The following DNAJA3 variants were observed in gnomAD, a reference collection of about 807,000 sequenced individuals.
DNAJA3 encodes DnaJ heat shock protein family (Hsp40) member A3.
In DNAJA3, 29 loss-of-function variants were observed where a neutral mutation model predicts 54.9. The observed-to-expected ratio is 0.53, with a 90% CI of 0.39 to 0.72. The LOEUF (loss-of-function observed/expected upper bound fraction) is 0.72. DNAJA3 is among the 30% of genes least tolerant of loss of function. The pLI is 0.00. For synonymous variants in DNAJA3, 302 were observed against 251.4 expected, an observed-to-expected ratio of 1.20 and a Z score of -1.90; for missense variants, 708 against 639.4, an observed-to-expected ratio of 1.11 and a Z score of -1.16.
intron 3 of DNAJA3, chr16:4,441,097 C>CATTAAAAAAAAA: frequency 2.0e-6 from 1 of 508,444 alleles, no homozygotes; most frequent in Non-Finnish European, 3.5e-6. Flanking sequence ...CCTGTGAGGT[C>CATTAAAAAAAAA]AAGCGAGGAT....
At chr16:4,438,222 C>G (rs2056795377) in intron 3 of DNAJA3, among the ~76,000 whole-genome samples, 1 of 151,702 alleles carries the variant, frequency 6.6e-6, no homozygotes, top group African/African-American at 2.4e-5. Flanking sequence ...GAGGCTGAGG[C>G]AGGAGAATGG....
chr16:4,435,366 G>A (rs755854915), intron 2 of DNAJA3, among the ~76,000 whole-genome samples: 1 of 152,046 alleles, frequency 6.6e-6, no homozygotes, highest in Non-Finnish European at 1.5e-5. Flanking sequence ...ACCATTGTAG[G>A]ATTGACAGCT....
chr16:4,446,790 T>A, intron 7 of DNAJA3, 96 bp from the exon 8 acceptor site: 1 of 1,489,170 alleles, frequency 6.7e-7, no homozygotes, highest in Non-Finnish European at 9.2e-7. Flanking sequence ...GGGTGTGTAG[T>A]TTGTCAGGTC....
intron 8 of DNAJA3, 120 bp downstream of exon 8, chr16:4,447,134 C>T: frequency 8.3e-7 from 1 of 1,205,970 alleles, no homozygotes; most frequent in Non-Finnish European, 1.1e-6. Flanking sequence ...GGGGCACTCA[C>T]AGGGGAGGAC....
chr16:4,444,659 T>C lies in DNAJA3; in HGVS notation c.932-5T>C. 3 of 1,613,832 alleles carry C rather than the reference T, an allele frequency of 1.9e-6. No homozygotes were observed. Among genetic ancestry groups the C allele is most frequent in the Non-Finnish European group, 2.5e-6 (3 of 1,179,750 alleles). On this transcript the variant is annotated splice_region_variant and splice_polypyrimidine_tract_variant and intron_variant, in intron 6 of 11. Transcript: ENST00000262375. ...TAACTTCTCCCTTTCTAATGTCCCTTGTAGGAGTCGAGGATGGCCAGACCG... is the reference window on the plus strand; with the variant it reads ...TAACTTCTCCCTTTCTAATGTCCCTCGTAGGAGTCGAGGATGGCCAGACCG...
intron 1 of DNAJA3, among the ~76,000 whole-genome samples, chr16:4,427,533 C>G (rs148397914): frequency 1.3e-3 from 197 of 152,282 alleles, no homozygotes; most frequent in African/African-American, 4.5e-3. Flanking sequence ...TATTTAACCC[C>G]TTCGAGCACC....
intron 1 of DNAJA3, chr16:4,433,782 G>A (rs1445180899): frequency 6.6e-6 from 1 of 152,240 alleles, no homozygotes; most frequent in Non-Finnish European, 1.5e-5. Flanking sequence ...TTCCTTTAGT[G>A]GTTTACTGAG....
At position 4,450,496 on chromosome 16, in the gene DNAJA3, T is replaced by G; in HGVS notation, c.1338T>G (p.Ser446=). Residue 446 remains serine (S), a splice_region_variant and synonymous_variant, in exon 10 of 12, where the codon TCT becomes TCG. Transcript: ENST00000262375. Reference sequence around the variant, plus strand: ...TGAACGGCGTCACCCTCACCAGCTCTGGTAAGGAGTCTGAAGACTACATGG... The same window carrying G: ...TGAACGGCGTCACCCTCACCAGCTCGGGTAAGGAGTCTGAAGACTACATGG... ...GTVNGVTLTS[S]GGSTMDSSAG... is the part of the protein sequence containing the mutation. The G allele has an allele frequency of 1.2e-6, 2 of 1,604,962 alleles. No individual in the cohort carries two copies. Among genetic ancestry groups the G allele is most frequent in the Non-Finnish European group, 1.7e-6 (2 of 1,175,898 alleles).
intron 7 of DNAJA3, among the ~76,000 whole-genome samples, chr16:4,446,353 T>C (rs2056902229): frequency 6.7e-6 from 1 of 149,724 alleles, no homozygotes; most frequent in African/African-American, 2.5e-5. Context: ...AAGTGGATCT[T>C]CTGCCTCAGC....
intron 9 of DNAJA3, 43 bp downstream of exon 9, chr16:4,448,891 G>T: frequency 1.4e-6 from 2 of 1,467,294 alleles, no homozygotes; most frequent in Non-Finnish European, 1.9e-6. Context: ...CTGGTCCTGC[G>T]GTGGCACTGC....
Position 4,434,378 on chromosome 16 carries a change from T to A in DNAJA3, c.212-6T>A. The A allele has an allele frequency of 1.9e-6, 3 of 1,611,474 alleles. No homozygotes were observed. Among genetic ancestry groups the A allele is most frequent in the Non-Finnish European group, 2.5e-6 (3 of 1,179,588 alleles). ...AGAGTGATTTTCTTTGTTTTTTCCT[T>A]TTTAGGAACAAAACATAACCCTTTC... On this transcript the variant is annotated splice_polypyrimidine_tract_variant and splice_region_variant and intron_variant, in intron 1 of 11. Transcript: ENST00000262375.
intron 5 of DNAJA3, 26 bp from the exon 6 acceptor site, chr16:4,442,991 G>T: frequency 6.2e-7 from 1 of 1,610,132 alleles, no homozygotes. Context: ...GCGTACTTAG[G>T]TTACCATTTT....
intron 2 of DNAJA3, among the ~76,000 whole-genome samples, chr16:4,436,337 T>C (rs955718367): frequency 3.9e-5 from 6 of 152,210 alleles, no homozygotes; most frequent in South Asian, 2.1e-4. Flanking sequence ...TGGACTCACA[T>C]GACAGTTGAT....
intron 8 of DNAJA3, among the ~76,000 whole-genome samples, chr16:4,448,272 G>A (rs371475105): frequency 2.6e-5 from 4 of 151,390 alleles, no homozygotes; most frequent in East Asian, 1.9e-4. Flanking sequence ...TGATCTGCCT[G>A]CCTCAGCCCC....
chr16:4,443,301 T>C (rs2056860469), intron 6 of DNAJA3, 137 bp downstream of exon 6: 1 of 1,132,630 alleles, frequency 8.8e-7, no homozygotes, highest in Non-Finnish European at 1.2e-6. Context: ...AAGTTATGGT[T>C]GAGGCCCTGG....
chr16:4,448,837 A>G lies in DNAJA3; in HGVS notation c.1230A>G (p.Ile410Met). The G allele has an allele frequency of 6.2e-7, 1 of 1,613,626 alleles. No individual in the cohort carries two copies. Among genetic ancestry groups the G allele is most frequent in the Non-Finnish European group, 8.5e-7 (1 of 1,179,718 alleles). Residue 410 changes from isoleucine to methionine, a missense_variant, in exon 9 of 12, where the codon ATA (isoleucine) becomes ATG (methionine). Physicochemically the swap from Ile to Met is conservative, Grantham distance 10 (BLOSUM62 1). Transcript: ENST00000262375. ...GYGDHYIHIKIRVPKRLTSRQ... is the reference protein window; with the variant it reads ...GYGDHYIHIKMRVPKRLTSRQ... The stretch of plus-strand genomic sequence containing the variant: ...GAGACCACTACATCCACATCAAGAT[A>G]CGAGTTCCAAAGTAAGTGCCCCCTA...
chr16:4,428,250 C>T (rs953384326), intron 1 of DNAJA3, among the ~76,000 whole-genome samples: 2 of 152,060 alleles, frequency 1.3e-5, no homozygotes, highest in African/African-American at 4.8e-5. Context: ...CGCGACCGGC[C>T]TTATTTTTAT....
chr16:4,441,302 G>A lies in DNAJA3; in HGVS notation c.430-73G>A. The A allele has an allele frequency of 6.5e-6, 9 of 1,387,056 alleles. No individual in the cohort carries two copies. The South Asian group carries it at 1.2e-4, about 18-fold the overall frequency. 85.9% of individuals were successfully genotyped at this position (1,387,056 alleles called of 1,614,324 possible). A position where few individuals can be genotyped will look rare whatever the true frequency, so the allele number is the denominator to read the frequency against. ...AATAAATGTTATGGCTGCCTTATTT[G>A]CTGTGAACTCTTGTCTGTATTCCTG... is the stretch of plus-strand genomic sequence containing the variant. On this transcript the variant is annotated intron_variant, in intron 3 of 11. Transcript: ENST00000262375.
chr16:4,450,852 G>A (rs1484034307), intron 10 of DNAJA3, among the ~76,000 whole-genome samples: 1 of 152,204 alleles, frequency 6.6e-6, no homozygotes, highest in East Asian at 1.9e-4. Flanking sequence ...TGGCAAAAGC[G>A]TAAGGAGAGA....
Sources: allele counts gnomAD v4.1 joint callset (sites outside exome capture counted in the v4.1 genomes callset), GRCh38; gene constraint gnomAD v4.1.1; transcripts MANE v1.5; gene names NCBI Gene and HGNC (gene_info 2026-07-23, HGNC 2026-07-21).